The following OR8B3 variants were observed in gnomAD, a reference collection of about 807,000 sequenced individuals.
The protein encoded by OR8B3 is olfactory receptor 8B3.
For synonymous variants in OR8B3, 102 were observed against 135.4 expected, an observed-to-expected ratio of 0.75 and a Z score of 1.71; for missense variants, 278 against 377.6, an observed-to-expected ratio of 0.74 and a Z score of 2.19.
the OR8B3 span, chr11:124,404,320 C>T: frequency 6.6e-6 from 1 of 152,100 alleles, no homozygotes. Context: ...AGCTCATTCT[C>T]CAGAATCAGA....
chr11:124,399,876 C>T (rs1210800963), upstream of OR8B3, among the ~76,000 whole-genome samples: 1 of 133,646 alleles, frequency 7.5e-6, no homozygotes, highest in Non-Finnish European at 1.6e-5. Flanking sequence ...AGTCAGGATA[C>T]AGAATTCTCT....
chr11:124,403,752 C>A (rs7925472), upstream of OR8B3, among the ~76,000 whole-genome samples: 49,044 of 151,990 alleles, frequency 0.32, 7,991 homozygotes, highest in African/African-American at 0.39. Context: ...TTTGGGAGGC[C>A]AAGGCAGGCG....
At chr11:124,408,604 A>G in the OR8B3 span, among the ~76,000 whole-genome samples, 1 of 152,172 alleles carries the variant, frequency 6.6e-6, no homozygotes, top group African/African-American at 2.4e-5. Flanking sequence ...ACATCAGAAA[A>G]ATTGAAAAAG....
At chr11:124,403,002 G>A (rs1443044647), upstream of OR8B3, among the ~76,000 whole-genome samples, 2 of 152,136 alleles carry the variant, frequency 1.3e-5, no homozygotes, top group Non-Finnish European at 2.9e-5. Context: ...GTGTCCCTGG[G>A]TACTTGAGAT....
chr11:124,402,902 C>T (rs1047037629), upstream of OR8B3, among the ~76,000 whole-genome samples: 1 of 150,592 alleles, frequency 6.6e-6, no homozygotes, highest in African/African-American at 2.5e-5. Context: ...GGTCATAGGA[C>T]AATAGTGGAG....
At chr11:124,403,235 A>G (rs1861024994), upstream of OR8B3, among the ~76,000 whole-genome samples, 1 of 152,232 alleles carries the variant, frequency 6.6e-6, no homozygotes, top group Admixed American at 6.5e-5. Context: ...TTCTTTCTGC[A>G]CAGACACAGC....
At chr11:124,402,670 TC>T (rs754087816), upstream of OR8B3, among the ~76,000 whole-genome samples, 5 of 152,186 alleles carry the variant, frequency 3.3e-5, no homozygotes, top group Non-Finnish European at 7.3e-5. Flanking sequence ...AAAACTTAGA[TC>T]AAACCATTTT....
chr11:124,404,717 A>G, the OR8B3 span: 1 of 152,258 alleles, frequency 6.6e-6, no homozygotes, highest in Non-Finnish European at 1.5e-5. Flanking sequence ...CTAGTTTCAC[A>G]TCAACGACTA....
chr11:124,396,298 A>G lies in OR8B3; in HGVS notation c.*112T>C. 1 of 953,254 alleles carries G rather than the reference A, an allele frequency of 1.0e-6. No homozygotes were observed. Among genetic ancestry groups the G allele is most frequent in the Admixed American group, 3.2e-5 (1 of 30,938 alleles). 59.0% of individuals were successfully genotyped at this position (953,254 alleles called of 1,614,324 possible). A position where few individuals can be genotyped will look rare whatever the true frequency, so the allele number is the denominator to read the frequency against. ...ATTTCATAAGAGAAATGATAAGACA[A>G]GTTTATTAAATCACACATAACACCA... On this transcript the variant is annotated 3_prime_UTR_variant, in exon 2 of 2. Coordinates refer to ENST00000641139, the MANE Select transcript of OR8B3 (RefSeq NM_001005467.2).
rs1860942052 is a variant in OR8B3 at position 124,398,855 on chromosome 11, A to C, written c.-183T>G. The C allele has an allele frequency of 6.6e-6, 1 of 152,142 alleles. No individual in the cohort carries two copies. Among genetic ancestry groups the C allele is most frequent in the Non-Finnish European group, 1.5e-5 (1 of 68,024 alleles). The allele number at this position is 152,142 out of a possible 1,614,324, so 9.4% of individuals were successfully genotyped here. A position where few individuals can be genotyped will look rare whatever the true frequency, so the allele number is the denominator to read the frequency against. ...CATTGAGCAGAGATCTCAGAATCTGAATGTTCTGGGAATCATTTTGTGGTG... is the reference window on the plus strand; with the variant it reads ...CATTGAGCAGAGATCTCAGAATCTGCATGTTCTGGGAATCATTTTGTGGTG... On this transcript the variant is annotated 5_prime_UTR_variant, in exon 1 of 2. The change creates a new upstream start codon in the 5' untranslated region. Transcript: ENST00000641139.
chr11:124,397,094 T>C lies in OR8B3; in HGVS notation c.258A>G (p.Val86=), dbSNP rs4287348. The C allele has an allele frequency of 0.013, 20,672 of 1,613,242 alleles. 404 individuals carry two copies. Among genetic ancestry groups the C allele is most frequent in the African/African-American group, 0.089 (6,666 of 74,674 alleles). The change falls in exon 2 of 2, where the codon GTA becomes GTG. Residue 86 remains valine (V), a synonymous_variant. Coordinates refer to ENST00000641139, the MANE Select transcript of OR8B3 (RefSeq NM_001005467.2). ...CATAGGAGATAATATTCTTTTTTGA[T>C]ACAAAGTTCATTAGCATTTTGGGAG... ...VFTPKMLMNF[V]SKKNIISYVG...
upstream of OR8B3, among the ~76,000 whole-genome samples, chr11:124,401,540 T>A (rs1200158676): frequency 6.6e-6 from 1 of 152,222 alleles, no homozygotes; most frequent in African/African-American, 2.4e-5. Flanking sequence ...ATATAAGAGT[T>A]TTTTTCCTTT....
At chr11:124,405,736 G>T in the OR8B3 span, among the ~76,000 whole-genome samples, 1 of 152,154 alleles carries the variant, frequency 6.6e-6, no homozygotes, top group Non-Finnish European at 1.5e-5. Flanking sequence ...TTTGTTTCAC[G>T]CCCTACAGCT....
In OR8B3 at chr11:124,396,937, G is replaced by C; in HGVS notation, c.415C>G (p.Gln139Glu). 1 of 1,609,190 alleles carries C rather than the reference G, an allele frequency of 6.2e-7. No individual in the cohort carries two copies. Among genetic ancestry groups the C allele is most frequent in the African/African-American group, 1.3e-5 (1 of 74,720 alleles). ...GCAAAAGTGAGCATAGAACAGACCT[G>C]ATGGGACATGGTGACCTTATACAGC... The part of the protein sequence containing the change: ...PLLYKVTMSH[Q>E]VCSMLTFAAY... Residue 139 changes from glutamine (Q) to glutamate (E), a missense_variant, in exon 2 of 2, where the codon CAG (glutamine) becomes GAG (glutamate). Physicochemically the swap from Gln to Glu is conservative, Grantham distance 29. Transcript: ENST00000641139.
the OR8B3 span, among the ~76,000 whole-genome samples, chr11:124,409,488 G>A: frequency 2.6e-5 from 4 of 152,206 alleles, no homozygotes; most frequent in African/African-American, 4.8e-5. Context: ...CCCATTAGTT[G>A]TGCAATTCTC....
chr11:124,400,135 A>T (rs1308561658), upstream of OR8B3, among the ~76,000 whole-genome samples: 1 of 152,124 alleles, frequency 6.6e-6, no homozygotes, highest in African/African-American at 2.4e-5. Context: ...TGGTGGGACT[A>T]CAGGAGTGAG....
the OR8B3 span, among the ~76,000 whole-genome samples, chr11:124,407,150 A>C: frequency 6.6e-6 from 1 of 152,146 alleles, no homozygotes; most frequent in Non-Finnish European, 1.5e-5. Context: ...CAAAAATGTC[A>C]TCCTAAGAAA....
chr11:124,397,897 A>G (rs1377933438), intron 1 of OR8B3, among the ~76,000 whole-genome samples: 1 of 151,792 alleles, frequency 6.6e-6, no homozygotes, highest in African/African-American at 2.4e-5. Flanking sequence ...GTTTCATGAT[A>G]TTGGTCTGGC....
rs574835700 is a variant in OR8B3, at chr11:124,395,608, A to G, written c.*802T>C. The G allele has an allele frequency of 6.6e-6, 1 of 152,354 alleles. No homozygotes were observed. Among genetic ancestry groups the G allele is most frequent in the Non-Finnish European group, 1.5e-5 (1 of 68,038 alleles). The allele number at this position is 152,354 out of a possible 1,614,324, so 9.4% of individuals were successfully genotyped here. Reference sequence around the variant, plus strand: ...TATAACGAGTAAAAAAATAACATTTACAGTAGGAACTACACGCTTTTTTCA... The same window carrying G: ...TATAACGAGTAAAAAAATAACATTTGCAGTAGGAACTACACGCTTTTTTCA... On this transcript the variant is annotated 3_prime_UTR_variant, in exon 2 of 2. Transcript: ENST00000641139.
Sources: gnomAD v4.1 joint callset for allele counts (sites outside exome capture counted in the v4.1 genomes callset) on GRCh38, gnomAD v4.1.1 for gene constraint, MANE v1.5 for transcripts, NCBI Gene and HGNC (gene_info 2026-07-23, HGNC 2026-07-21) for gene names.